The following HMBOX1 variants were observed in gnomAD, a reference collection of about 807,000 sequenced individuals.
HMBOX1 encodes homeobox-containing protein 1.
A neutral mutation model predicts 54.5 loss-of-function variants in HMBOX1; 14 were observed. The observed-to-expected ratio is 0.26, with a 90% CI of 0.17 to 0.40. HMBOX1 has a LOEUF of 0.40. Among genes scored for constraint, HMBOX1 ranks in the 10% least tolerant of loss-of-function variants. The probability of loss-of-function intolerance (pLI) is 1.00; values close to 1 mark genes in which losing one functional copy is unlikely to be tolerated. For synonymous variants in HMBOX1, 160 were observed against 181.0 expected (o/e 0.88, Z 0.93); for missense variants, 332 against 514.4 (o/e 0.65, Z 3.43).
At chr8:29,022,838 G>A (rs749779434) in intron 6 of HMBOX1, among the ~76,000 whole-genome samples, 21 of 113,750 alleles carry the variant, frequency 1.8e-4, no homozygotes, top group Admixed American at 2.7e-4. Flanking sequence ...ACTAAATTAC[G>A]TAATTATATA....
At chr8:28,946,118 A>G (rs1563442318) in intron 1 of HMBOX1, among the ~76,000 whole-genome samples, 1 of 151,774 alleles carries the variant, frequency 6.6e-6, no homozygotes, top group East Asian at 2.0e-4. Flanking sequence ...ATGCCCAGCT[A>G]ATTTTCGTAT....
chr8:28,969,743 T>C (rs573263048), intron 2 of HMBOX1, among the ~76,000 whole-genome samples: 42 of 152,332 alleles, frequency 2.8e-4, no homozygotes, highest in African/African-American at 9.4e-4. Context: ...ACCTAATCTA[T>C]TGTTCTGGTA....
intron 1 of HMBOX1, among the ~76,000 whole-genome samples, chr8:28,931,345 G>A (rs1188259017): frequency 6.6e-6 from 1 of 152,164 alleles, no homozygotes; most frequent in Non-Finnish European, 1.5e-5. Context: ...GTGCTCATGC[G>A]TAGTCCTGGT....
At chr8:29,016,270 T>G (rs1834981428) in intron 5 of HMBOX1, among the ~76,000 whole-genome samples, 1 of 152,044 alleles carries the variant, frequency 6.6e-6, no homozygotes, top group African/African-American at 2.4e-5. Flanking sequence ...ATAAGAAGAA[T>G]AACCCCCTAA....
At chr8:28,925,265 C>T (rs1818251876) in intron 1 of HMBOX1, among the ~76,000 whole-genome samples, 1 of 152,032 alleles carries the variant, frequency 6.6e-6, no homozygotes, top group African/African-American at 2.4e-5. Context: ...GTGTTTTGTA[C>T]CAGTGACTAA....
rs760957304 is a variant in HMBOX1, at chr8:29,051,111, C to G, written c.1219C>G (p.Gln407Glu). The G allele has an allele frequency of 3.7e-6, 6 of 1,613,770 alleles. No homozygotes were observed. In the South Asian group the frequency reaches 5.5e-5, roughly 15 times the overall value. The change falls in exon 10 of 10, where the codon CAA (glutamine) becomes GAA (glutamate). Residue 407 changes from glutamine (Q) to glutamate (E), a missense_variant. Gln to Glu is a conservative substitution (Grantham distance 29). Around this residue, in one of 4 missense-constraint regions of HMBOX1, gnomAD observed 69 missense variants for 104.6 expected, o/e 0.66. Transcript: ENST00000287701. The stretch of plus-strand genomic sequence containing the variant: ...CCACACTATCTTGGCATTGGCCCGA[C>G]AAGGAGCCAACGAAATCAAGACAGA... ...VNHTILALAR[Q>E]GANEIKTEAL...
chr8:28,998,960 C>T (rs1310121197), intron 4 of HMBOX1, among the ~76,000 whole-genome samples: 2 of 152,006 alleles, frequency 1.3e-5, no homozygotes, highest in Admixed American at 6.5e-5. Flanking sequence ...TGCCCATCAA[C>T]TTAGATTATA....
At chr8:28,923,978 T>C (rs1348002819) in intron 1 of HMBOX1, among the ~76,000 whole-genome samples, 1 of 152,096 alleles carries the variant, frequency 6.6e-6, no homozygotes, top group African/African-American at 2.4e-5. Flanking sequence ...GTTGTTGTTG[T>C]TAAGTTTAGT....
At chr8:29,014,133 T>C (rs1006626034) in intron 5 of HMBOX1, among the ~76,000 whole-genome samples, 44 of 152,284 alleles carry the variant, frequency 2.9e-4, no homozygotes, top group African/African-American at 8.2e-4. Flanking sequence ...TTATGATATA[T>C]GTAAAGAGAA....
At chr8:28,911,466 C>T (rs757470395) in intron 1 of HMBOX1, among the ~76,000 whole-genome samples, 22 of 152,228 alleles carry the variant, frequency 1.4e-4, no homozygotes, top group Non-Finnish European at 2.8e-4. Flanking sequence ...AGCGATTCTC[C>T]TGCCTCAGCC....
chr8:28,934,765 A>G (rs1820095457), intron 1 of HMBOX1, among the ~76,000 whole-genome samples: 1 of 151,648 alleles, frequency 6.6e-6, no homozygotes, highest in African/African-American at 2.4e-5. Flanking sequence ...CTCTACTAAA[A>G]ATACAAGAAA....
chr8:28,946,182 A>G (rs1822418029), intron 1 of HMBOX1, among the ~76,000 whole-genome samples: 1 of 151,298 alleles, frequency 6.6e-6, no homozygotes, highest in South Asian at 2.1e-4. Context: ...CGAGCTCCTG[A>G]CCTCAGGTGA....
intron 1 of HMBOX1, among the ~76,000 whole-genome samples, chr8:28,900,269 A>ATATATAG (rs1422463025): frequency 1.4e-5 from 1 of 69,174 alleles, no homozygotes; most frequent in Non-Finnish European, 2.9e-5. Context: ...AAAAAAAAAA[A>ATATATAG]AAATATATAT....
Position 29,048,942 on chromosome 8 carries a change from CT to C in HMBOX1, c.1031-6del, listed in dbSNP as rs758259680. ...AACAGATAATTTAGGGATCTATTTG[CT>C]TTTTTCGAAGAAGCAGCAATCCTGG... On this transcript the variant is annotated splice_polypyrimidine_tract_variant and intron_variant, in intron 8 of 9. Transcript: ENST00000287701. 1.3e-6 allele frequency: 2 copies of C among 1,580,534 alleles called. No homozygotes were observed. The highest frequency in any genetic ancestry group is 1.8e-5 in the Admixed American group (1 of 56,980).
chr8:29,043,603 C>A (rs914441582), intron 6 of HMBOX1, among the ~76,000 whole-genome samples: 9 of 152,190 alleles, frequency 5.9e-5, no homozygotes, highest in African/African-American at 2.2e-4. Flanking sequence ...TGTAAATGAA[C>A]TCATCCAGTA....
chr8:29,049,379 G>C, intron 9 of HMBOX1: 1 of 1,529,662 alleles, frequency 6.5e-7, no homozygotes, highest in Non-Finnish European at 8.8e-7. Context: ...AAGAGAGGAG[G>C]ATCTGATCCA....
intron 1 of HMBOX1, among the ~76,000 whole-genome samples, chr8:28,957,001 A>G (rs1037202619): frequency 2.0e-5 from 3 of 152,212 alleles, no homozygotes; most frequent in African/African-American, 7.2e-5. Flanking sequence ...GACGTTGGCA[A>G]GGCCACTGTA....
At chr8:28,978,503 C>T (rs1202033607) in intron 3 of HMBOX1, among the ~76,000 whole-genome samples, 1 of 152,182 alleles carries the variant, frequency 6.6e-6, no homozygotes, top group Admixed American at 6.5e-5. Context: ...GAGACGTAGG[C>T]TGGGCGCTAC....
intron 5 of HMBOX1, among the ~76,000 whole-genome samples, chr8:29,018,487 G>A (rs1396139851): frequency 6.6e-6 from 1 of 151,902 alleles, no homozygotes; most frequent in African/African-American, 2.4e-5. Context: ...CAAGAATTAG[G>A]GTTATTTTAA....
Sources: gnomAD v4.1 joint callset for allele counts (sites outside exome capture counted in the v4.1 genomes callset) on GRCh38, gnomAD v4.1.1 for gene constraint, gnomAD v4.1.1 regional missense constraint, MANE v1.5 for transcripts, NCBI Gene and HGNC (gene_info 2026-07-23, HGNC 2026-07-21) for gene names.